DCUN1D1: variants seen among roughly 807,000 people sequenced by gnomAD.
DCUN1D1 encodes defective in cullin neddylation 1 domain containing 1, also known as DCN1-like protein 1.
DCUN1D1 carries 3 observed loss-of-function variants against 39.0 expected under a neutral mutation model. The ratio of observed to expected loss-of-function variants is 0.08; its 90% CI spans 0.04 to 0.20. The LOEUF (loss-of-function observed/expected upper bound fraction) is 0.20. DCUN1D1 is among the 10% of genes least tolerant of loss of function. The pLI, the probability that DCUN1D1 is intolerant of heterozygous loss-of-function variation, is 1.00. For missense variants in DCUN1D1, 158 were observed against 302.4 expected, an observed-to-expected ratio of 0.52 and a Z score of 3.54; for synonymous variants, 82 against 96.3, an observed-to-expected ratio of 0.85 and a Z score of 0.87.
rs758736228 is a variant in DCUN1D1, at chr3:182,945,082, G to C, written c.*12C>G. On this transcript the variant is annotated 3_prime_UTR_variant, in exon 7 of 7. Transcript: ENST00000292782. ...GTACAGACTATGTACATTCTAGAAG[G>C]TTCCTTTAGTGCTACACTGTTGTAC... The C allele has an allele frequency of 1.2e-6, 2 of 1,607,764 alleles. No homozygotes were observed. The highest frequency in any genetic ancestry group is 1.7e-5 in the Admixed American group (1 of 59,792).
In DCUN1D1 at chr3:182,944,998, G is replaced by T; in HGVS notation, c.*96C>A. The T allele has an allele frequency of 9.9e-7, 1 of 1,014,340 alleles. No individual in the cohort carries two copies. 62.8% of individuals were successfully genotyped at this position (1,014,340 alleles called of 1,614,324 possible). A position where few individuals can be genotyped will look rare whatever the true frequency, so the allele number is the denominator to read the frequency against. On this transcript the variant is annotated 3_prime_UTR_variant, in exon 7 of 7. Transcript: ENST00000292782. Reference sequence around the variant, plus strand: ...ACCCTCAGTCTGAATTGTGAGGATTGATCTTCAGTTCAGTCCAGCCAGCAG... The same window carrying T: ...ACCCTCAGTCTGAATTGTGAGGATTTATCTTCAGTTCAGTCCAGCCAGCAG...
At chr3:182,960,865 T>C (rs1350474097) in intron 4 of DCUN1D1, among the ~76,000 whole-genome samples, 2 of 152,196 alleles carry the variant, frequency 1.3e-5, no homozygotes, top group African/African-American at 4.8e-5. Context: ...TCAGAAATCT[T>C]ATAGTGCTAT....
At position 182,941,638 on chromosome 3, in the gene DCUN1D1, T is replaced by C. The variant is rs1726138293; in HGVS notation, c.*3456A>G. The stretch of plus-strand genomic sequence containing the variant: ...ACATCTAAGTATTCAATATAAATCA[T>C]ACTGTTAAAAGTATAAGGTAACATT... On this transcript the variant is annotated 3_prime_UTR_variant, in exon 7 of 7. Transcript: ENST00000292782. 1 of 152,170 alleles carries C rather than the reference T, an allele frequency of 6.6e-6. No individual in the cohort carries two copies. The highest frequency in any genetic ancestry group is 1.5e-5 in the Non-Finnish European group (1 of 67,980). The allele number at this position is 152,170 out of a possible 1,614,324, so 9.4% of individuals were successfully genotyped here.
At chr3:182,966,996 A>T (rs1727699551) in intron 1 of DCUN1D1, among the ~76,000 whole-genome samples, 2 of 152,108 alleles carry the variant, frequency 1.3e-5, no homozygotes, top group African/African-American at 4.8e-5. Flanking sequence ...AATCCCAGCT[A>T]CTCGGGAGGC....
At chr3:182,972,517 C>T (rs141069140) in intron 1 of DCUN1D1, among the ~76,000 whole-genome samples, 1,830 of 152,218 alleles carry the variant, frequency 0.012, 12 homozygotes, top group Non-Finnish European at 0.019. Flanking sequence ...CAGCTCACGC[C>T]TGTAATCCCA....
At chr3:182,970,737 T>C (rs1727894671) in intron 1 of DCUN1D1, among the ~76,000 whole-genome samples, 1 of 152,252 alleles carries the variant, frequency 6.6e-6, no homozygotes, top group Admixed American at 6.5e-5. Flanking sequence ...ATTGACAGTT[T>C]AACTTCATCT....
chr3:182,948,778 G>T (rs746479504), intron 4 of DCUN1D1, among the ~76,000 whole-genome samples: 1 of 152,068 alleles, frequency 6.6e-6, no homozygotes, highest in Non-Finnish European at 1.5e-5. Flanking sequence ...AGCCAGGCGG[G>T]GTGGCTCACA....
At chr3:182,945,468 G>A (rs1265816088) in intron 6 of DCUN1D1, among the ~76,000 whole-genome samples, 1 of 152,172 alleles carries the variant, frequency 6.6e-6, no homozygotes, top group East Asian at 1.9e-4. Context: ...ACTGCAGTCA[G>A]CCAATGGAAG....
Position 182,947,396 on chromosome 3 carries a change from T to A in DCUN1D1, c.604-62A>T. ...CTAAAAAGAGCTGCACAAAAACAGTTTGGACAATTTGAAATACAAGAATGC... is the reference window on the plus strand; with the variant it reads ...CTAAAAAGAGCTGCACAAAAACAGTATGGACAATTTGAAATACAAGAATGC... On this transcript the variant is annotated intron_variant, in intron 5 of 6. Coordinates refer to ENST00000292782, the MANE Select transcript of DCUN1D1 (RefSeq NM_020640.4). 10 of 1,280,402 alleles carry A rather than the reference T, an allele frequency of 7.8e-6. No homozygotes were observed. In the South Asian group the frequency reaches 1.3e-4, roughly 17 times the overall value. 79.3% of individuals were successfully genotyped at this position (1,280,402 alleles called of 1,614,324 possible).
chr3:182,964,786 A>G (rs1727584634), intron 2 of DCUN1D1, among the ~76,000 whole-genome samples: 1 of 151,920 alleles, frequency 6.6e-6, no homozygotes, highest in Non-Finnish European at 1.5e-5. Context: ...GACTACAGGC[A>G]CACGCCACCA....
At chr3:182,968,482 A>G (rs951851777) in intron 1 of DCUN1D1, among the ~76,000 whole-genome samples, 2 of 152,248 alleles carry the variant, frequency 1.3e-5, no homozygotes, top group African/African-American at 4.8e-5. Flanking sequence ...CCAGGGAAAC[A>G]AAGATAAAAA....
chr3:182,964,272 A>T (rs1436720767), intron 2 of DCUN1D1, among the ~76,000 whole-genome samples: 2 of 152,212 alleles, frequency 1.3e-5, no homozygotes, highest in Non-Finnish European at 2.9e-5. Context: ...ATGATTTTTT[A>T]AAGTCTCATT....
upstream of DCUN1D1, among the ~76,000 whole-genome samples, chr3:182,982,342 G>A (rs144505325): frequency 2.6e-5 from 4 of 152,132 alleles, no homozygotes; most frequent in East Asian, 5.8e-4. Context: ...ACATTCCCAC[G>A]TCAACTACTG....
chr3:182,979,640 G>A (rs1047641556), intron 1 of DCUN1D1, among the ~76,000 whole-genome samples: 33 of 141,816 alleles, frequency 2.3e-4, no homozygotes, highest in Non-Finnish European at 2.6e-4. Context: ...TTGACAAACT[G>A]TTTTAAAAAA....
chr3:182,963,280 A>C (rs1200253313), intron 3 of DCUN1D1, among the ~76,000 whole-genome samples: 3 of 152,232 alleles, frequency 2.0e-5, no homozygotes, highest in African/African-American at 7.2e-5. Flanking sequence ...ACTGAAATAA[A>C]ATAATGTTCA....
chr3:182,941,244 G>A lies in DCUN1D1; in HGVS notation c.*3850C>T, dbSNP rs1043296413. Reference sequence around the variant, plus strand: ...TATTTAAGAAAAATGGCAACAAATAGCAAAGATAAACCTGGAAAAGGGCAT... The same window carrying A: ...TATTTAAGAAAAATGGCAACAAATAACAAAGATAAACCTGGAAAAGGGCAT... On this transcript the variant is annotated 3_prime_UTR_variant, in exon 7 of 7. Transcript: ENST00000292782. 1 of 152,030 alleles carries A rather than the reference G, an allele frequency of 6.6e-6. No homozygotes were observed. The highest frequency in any genetic ancestry group is 2.4e-5 in the African/African-American group (1 of 41,394). The allele number at this position is 152,030 out of a possible 1,614,324, so 9.4% of individuals were successfully genotyped here. A position where few individuals can be genotyped will look rare whatever the true frequency, so the allele number is the denominator to read the frequency against.
intron 6 of DCUN1D1, 151 bp downstream of exon 6, chr3:182,947,087 A>G (rs1016209557): frequency 4.5e-5 from 26 of 576,832 alleles, no homozygotes; most frequent in Middle Eastern, 4.4e-4. Context: ...GGGCAACAGA[A>G]TGAGACTCTA....
At chr3:182,968,109 A>G (rs1050723584) in intron 1 of DCUN1D1, among the ~76,000 whole-genome samples, 2 of 152,072 alleles carry the variant, frequency 1.3e-5, no homozygotes, top group African/African-American at 4.8e-5. Flanking sequence ...GGGTCTCGCT[A>G]TGTTGCCCAG....
chr3:182,969,583 ATAAAC>A (rs1382886280), intron 1 of DCUN1D1, among the ~76,000 whole-genome samples: 3 of 152,240 alleles, frequency 2.0e-5, no homozygotes, highest in African/African-American at 4.8e-5. Context: ...TTTAAAGGGA[ATAAAC>A]TAGAGTAATA....
Sources: allele counts gnomAD v4.1 joint callset (sites outside exome capture counted in the v4.1 genomes callset), GRCh38; gene constraint gnomAD v4.1.1; transcripts MANE v1.5; gene names NCBI Gene and HGNC (gene_info 2026-07-23, HGNC 2026-07-21).